Variants in ANO4 observed in about 807,000 individuals in gnomAD.
The protein encoded by ANO4 is anoctamin 4.
ANO4 carries 69 observed loss-of-function variants against 141.9 expected under a neutral mutation model. That is an observed-to-expected ratio of 0.49 (90% confidence interval 0.40 to 0.59). The LOEUF (loss-of-function observed/expected upper bound fraction) is 0.59, where lower values mean the gene tolerates loss of function less well. ANO4 is among the 20% of genes least tolerant of loss of function. ANO4 has a pLI of 0.00. For missense variants in ANO4, 894 were observed against 1,162.2 expected, an observed-to-expected ratio of 0.77 and a Z score of 3.36; for synonymous variants, 350 against 394.3, an observed-to-expected ratio of 0.89 and a Z score of 1.33.
chr12:100,891,527 G>C (rs1273649829), intron 1 of ANO4, among the ~76,000 whole-genome samples: 2 of 152,132 alleles, frequency 1.3e-5, no homozygotes, highest in Non-Finnish European at 2.9e-5. Flanking sequence ...AATAGATGTG[G>C]AGTGGTATCT....
At chr12:100,797,231 C>T (rs1036401191) in intron 1 of ANO4, among the ~76,000 whole-genome samples, 4 of 150,386 alleles carry the variant, frequency 2.7e-5, no homozygotes, top group African/African-American at 9.8e-5. Flanking sequence ...GTAGCATGCC[C>T]ATTTGGAGAA....
chr12:100,732,635 T>C (rs998259444), intron 1 of ANO4, among the ~76,000 whole-genome samples: 2 of 152,232 alleles, frequency 1.3e-5, no homozygotes, highest in African/African-American at 4.8e-5. Context: ...ATCACTGCCA[T>C]CTAGATGTTT....
intron 3 of ANO4, among the ~76,000 whole-genome samples, chr12:100,927,604 A>G (rs952122363): frequency 1.3e-5 from 2 of 152,138 alleles, no homozygotes; most frequent in Admixed American, 6.6e-5. Context: ...GTGTGTATGT[A>G]TGTGAGCATT....
chr12:100,920,797 CTG>C (rs1439915823), intron 2 of ANO4, among the ~76,000 whole-genome samples: 3 of 152,120 alleles, frequency 2.0e-5, no homozygotes, highest in African/African-American at 7.2e-5. Flanking sequence ...AATACCTAGT[CTG>C]TCTCTATATA....
At chr12:100,744,344 A>G (rs1167669289) in intron 3 of ANO4, among the ~76,000 whole-genome samples, 1 of 152,162 alleles carries the variant, frequency 6.6e-6, no homozygotes, top group Non-Finnish European at 1.5e-5. Context: ...GAAAAAAAAG[A>G]GGCTAGGAAG....
intron 1 of ANO4, among the ~76,000 whole-genome samples, chr12:100,798,738 C>T (rs1164427916): frequency 2.0e-5 from 3 of 152,192 alleles, no homozygotes; most frequent in Non-Finnish European, 2.9e-5. Context: ...GGGGAACATT[C>T]TTCCTATGTT....
chr12:100,826,296 A>G lies in ANO4; in HGVS notation c.-141+31269A>G, dbSNP rs955714424. ...TATGTTTGAAGATGGAATTGAGAAA[A>G]AAAGATGGAAAATGGTCATTGCTCA... On this transcript the variant is annotated intron_variant, in intron 1 of 27. Transcript: ENST00000392977. Among the ~76,000 whole-genome samples, 3 of 45,636 alleles carry G rather than the reference A, an allele frequency of 6.6e-5. No individual in the cohort carries two copies. The Admixed American group carries it at 8.6e-4, about 13-fold the overall frequency. The allele number at this position is 45,636 out of a possible 152,430, so 29.9% of individuals were successfully genotyped here. A position where few individuals can be genotyped will look rare whatever the true frequency, so the allele number is the denominator to read the frequency against.
intron 1 of ANO4, among the ~76,000 whole-genome samples, chr12:100,841,906 T>C (rs11110549): frequency 0.18 from 27,604 of 152,076 alleles, 2,953 homozygotes; most frequent in Middle Eastern, 0.29. Flanking sequence ...ATGACATTTT[T>C]GGACTTGTGT....
chr12:100,919,726 G>GTA (rs2041531645), intron 2 of ANO4, among the ~76,000 whole-genome samples: 15 of 132,190 alleles, frequency 1.1e-4, no homozygotes, highest in African/African-American at 4.5e-4. Context: ...GTATGTATGT[G>GTA]TGTATGTATG....
chr12:100,734,437 T>C (rs1028307281), intron 2 of ANO4, among the ~76,000 whole-genome samples: 1 of 152,346 alleles, frequency 6.6e-6, no homozygotes, highest in Non-Finnish European at 1.5e-5. Flanking sequence ...CTTTCAAAAC[T>C]TTCTTGATTC....
chr12:100,973,532 A>AT (rs1162417605), intron 6 of ANO4, among the ~76,000 whole-genome samples: 1 of 152,176 alleles, frequency 6.6e-6, no homozygotes, highest in Non-Finnish European at 1.5e-5. Context: ...GTCCATGGAT[A>AT]TTTTTTATAA....
chr12:101,072,484 A>C (rs1481413949), intron 14 of ANO4, among the ~76,000 whole-genome samples: 1 of 152,164 alleles, frequency 6.6e-6, no homozygotes, highest in African/African-American at 2.4e-5. Flanking sequence ...TACCATAAAA[A>C]CCCTAGAAGA....
chr12:100,928,258 T>G (rs976235981), intron 3 of ANO4, among the ~76,000 whole-genome samples: 2 of 152,098 alleles, frequency 1.3e-5, no homozygotes, highest in Non-Finnish European at 2.9e-5. Flanking sequence ...TATGTTATTT[T>G]ATTTAGTCTT....
intron 3 of ANO4, among the ~76,000 whole-genome samples, chr12:100,755,809 T>C (rs1177690411): frequency 6.6e-6 from 1 of 152,220 alleles, no homozygotes; most frequent in African/African-American, 2.4e-5. Context: ...GTGCAGCTGA[T>C]GTTCTCTCCT....
rs10778094 is a variant in ANO4 at position 100,974,639 on chromosome 12, A to C, written c.558-206A>C. ...GTAATGGGTAGAGGAAGAAATATCA[A>C]TGGAAACTGTTTCATAAGATTTCAT... On this transcript the variant is annotated intron_variant, in intron 6 of 27. Transcript: ENST00000392977. The C allele has an allele frequency of 4.9e-6, 3 of 617,924 alleles. No homozygotes were observed. The Admixed American group carries it at 7.1e-5, about 15-fold the overall frequency. 38.3% of individuals were successfully genotyped at this position (617,924 alleles called of 1,614,324 possible). A position where few individuals can be genotyped will look rare whatever the true frequency, so the allele number is the denominator to read the frequency against.
intron 1 of ANO4, among the ~76,000 whole-genome samples, chr12:100,844,890 A>T (rs1009976266): frequency 2.6e-5 from 4 of 152,068 alleles, no homozygotes; most frequent in African/African-American, 7.2e-5. Context: ...GAGAGAAGAA[A>T]AGAGGACCCA....
At chr12:101,033,151 G>A (rs939061661) in intron 9 of ANO4, among the ~76,000 whole-genome samples, 3 of 152,158 alleles carry the variant, frequency 2.0e-5, no homozygotes, top group Non-Finnish European at 4.4e-5. Flanking sequence ...AAAATGATGA[G>A]TTCATGTCCT....
chr12:101,080,540 A>G (rs946676170), intron 15 of ANO4, among the ~76,000 whole-genome samples: 1 of 152,038 alleles, frequency 6.6e-6, no homozygotes, highest in African/African-American at 2.4e-5. Context: ...AGGCCAAGGA[A>G]GGGGTACCAC....
At chr12:100,862,312 GT>G (rs1318415024) in intron 1 of ANO4, among the ~76,000 whole-genome samples, 2 of 152,000 alleles carry the variant, frequency 1.3e-5, no homozygotes, top group Non-Finnish European at 2.9e-5. Flanking sequence ...CAGTAACATA[GT>G]TTTTTATTAT....
Sources: gnomAD v4.1 joint callset for allele counts (sites outside exome capture counted in the v4.1 genomes callset) on GRCh38, gnomAD v4.1.1 for gene constraint, MANE v1.5 for transcripts, NCBI Gene and HGNC (gene_info 2026-07-23, HGNC 2026-07-21) for gene names.